DHRS7B: variants seen among roughly 807,000 people sequenced by gnomAD.
DHRS7B encodes the protein dehydrogenase/reductase 7B.
In DHRS7B, 24 loss-of-function variants were observed where a neutral mutation model predicts 26.4. The ratio of observed to expected loss-of-function variants is 0.91; its 90% CI spans 0.66 to 1.28. The LOEUF (loss-of-function observed/expected upper bound fraction) is 1.28, where lower values mean the gene tolerates loss of function less well. Among genes scored for constraint, DHRS7B ranks in the 50% most tolerant of loss-of-function variants. The probability of loss-of-function intolerance (pLI) is 0.00; values close to 1 mark genes in which losing one functional copy is unlikely to be tolerated. For synonymous variants in DHRS7B, 142 were observed against 166.4 expected, an observed-to-expected ratio of 0.85 and a Z score of 1.13; for missense variants, 368 against 419.4, an observed-to-expected ratio of 0.88 and a Z score of 1.07.
chr17:21,138,093 T>TACACAC (rs1199383924), intron 1 of DHRS7B, among the ~76,000 whole-genome samples: 2,223 of 77,784 alleles, frequency 0.029, 40 homozygotes, highest in East Asian at 0.068. Context: ...TATATATATA[T>TACACAC]ATATATATAC....
chr17:21,188,971 C>T (rs543473052), intron 6 of DHRS7B, 108 bp downstream of exon 6: 5 of 1,476,208 alleles, frequency 3.4e-6, no homozygotes, highest in African/African-American at 1.4e-5. Flanking sequence ...TGGAAGAGAA[C>T]TTTTAAAGTG....
chr17:21,184,572 A>T, intron 5 of DHRS7B, 109 bp downstream of exon 5: 1 of 1,099,034 alleles, frequency 9.1e-7, no homozygotes, highest in South Asian at 1.5e-5. Flanking sequence ...TAAACTATCC[A>T]GAATGCAAAG....
At chr17:21,181,277 G>T (rs1445818237) in intron 3 of DHRS7B, among the ~76,000 whole-genome samples, 4 of 152,032 alleles carry the variant, frequency 2.6e-5, no homozygotes, top group African/African-American at 9.7e-5. Context: ...GTAGGGACAG[G>T]GTCCTGCTAT....
chr17:21,191,227 T>C lies in DHRS7B; in HGVS notation c.*74T>C. 6.9e-7 allele frequency: 1 copy of C among 1,459,758 alleles called. No individual in the cohort carries two copies. Among genetic ancestry groups the C allele is most frequent in the Non-Finnish European group, 9.5e-7 (1 of 1,052,420 alleles). The allele number at this position is 1,459,758 out of a possible 1,614,324, so 90.4% of individuals were successfully genotyped here. On this transcript the variant is annotated 3_prime_UTR_variant, in exon 7 of 7. Coordinates refer to ENST00000395511, the MANE Select transcript of DHRS7B (RefSeq NM_015510.5). The stretch of plus-strand genomic sequence containing the variant: ...GCTTACTCTACAAGGGACAGTTGCA[T>C]TTGTTGAGACTTTAATGGAGATTTG...
intron 1 of DHRS7B, among the ~76,000 whole-genome samples, chr17:21,159,544 C>T (rs541777232): frequency 1.1e-4 from 16 of 151,960 alleles, no homozygotes; most frequent in East Asian, 9.7e-4. Context: ...CGTGAGCCAC[C>T]GCACCCGGCC....
In DHRS7B at chr17:21,185,979, C is replaced by T. The variant is rs765817893; in HGVS notation, c.619+1516C>T. Among the ~76,000 whole-genome samples, 40 of 152,304 alleles carry T rather than the reference C, an allele frequency of 2.6e-4. No homozygotes were observed. In the Middle Eastern group the frequency reaches 0.01, roughly 39 times the overall value. On this transcript the variant is annotated intron_variant, in intron 5 of 6. Coordinates refer to ENST00000395511, the MANE Select transcript of DHRS7B (RefSeq NM_015510.5). ...TTGAGATTACAGGCATGAGCCACCG[C>T]GCCCAGCTGGAGTTCTTTATACTAA...
chr17:21,128,053 A>T (rs1486210344), intron 1 of DHRS7B: 1 of 152,206 alleles, frequency 6.6e-6, no homozygotes, highest in African/African-American at 2.4e-5. Context: ...AACCCTAATC[A>T]TAGGAACTAT....
intron 1 of DHRS7B, among the ~76,000 whole-genome samples, chr17:21,134,682 A>G (rs1055792015): frequency 2.0e-5 from 3 of 152,232 alleles, no homozygotes; most frequent in Non-Finnish European, 2.9e-5. Flanking sequence ...ACTGATGCAA[A>G]TAACTGTATT....
intron 3 of DHRS7B, among the ~76,000 whole-genome samples, 186 bp from the exon 4 acceptor site, chr17:21,183,408 C>A (rs771103238): frequency 8.5e-5 from 13 of 152,050 alleles, no homozygotes; most frequent in Non-Finnish European, 1.9e-4. Flanking sequence ...GTTTGTTTAT[C>A]TCTGTTCTAA....
chr17:21,172,169 A>G lies in DHRS7B; in HGVS notation c.172A>G (p.Thr58Ala). Reference sequence around the variant, plus strand: ...CCTGCGGAATGCTGTGGTGGTGATCACAGGCGCCACCTCAGGGCTGGGCAA... The same window carrying G: ...CCTGCGGAATGCTGTGGTGGTGATCGCAGGCGCCACCTCAGGGCTGGGCAA... ...AYLRNAVVVI[T>A]GATSGLGKEC... Residue 58 changes from threonine to alanine, a missense_variant, in exon 2 of 7, where the codon ACA becomes GCA. By Grantham distance (58) the Thr-to-Ala change is moderately conservative (BLOSUM62 0). Coordinates refer to ENST00000395511, the MANE Select transcript of DHRS7B (RefSeq NM_015510.5). 1 of 1,613,476 alleles carries G rather than the reference A, an allele frequency of 6.2e-7. No homozygotes were observed. Among genetic ancestry groups the G allele is most frequent in the Non-Finnish European group, 8.5e-7 (1 of 1,179,722 alleles).
intron 1 of DHRS7B, among the ~76,000 whole-genome samples, chr17:21,167,091 G>T (rs573102017): frequency 2.9e-3 from 434 of 152,242 alleles, no homozygotes; most frequent in African/African-American, 9.8e-3. Flanking sequence ...TTTGGCCAAA[G>T]TAGAAGGAAT....
At chr17:21,143,445 G>T (rs1360537861) in intron 1 of DHRS7B, among the ~76,000 whole-genome samples, 1 of 152,214 alleles carries the variant, frequency 6.6e-6, no homozygotes, top group Admixed American at 6.5e-5. Context: ...ATAGCCACAG[G>T]ATGGGCAAAA....
chr17:21,162,543 G>T (rs1019515748), intron 1 of DHRS7B, among the ~76,000 whole-genome samples: 2 of 152,176 alleles, frequency 1.3e-5, no homozygotes, highest in African/African-American at 2.4e-5. Flanking sequence ...AGAATAAAAG[G>T]CCAGACCCTC....
At chr17:21,169,042 G>C in intron 1 of DHRS7B, 1 of 462,620 alleles carries the variant, frequency 2.2e-6, no homozygotes, top group Non-Finnish European at 2.8e-6. Context: ...CTCCTCCCTG[G>C]GTGTGAAGAC....
chr17:21,181,272 G>A (rs746366389), intron 3 of DHRS7B, among the ~76,000 whole-genome samples: 6 of 152,074 alleles, frequency 3.9e-5, no homozygotes, highest in Non-Finnish European at 7.4e-5. Flanking sequence ...TTTTTGTAGG[G>A]ACAGGGTCCT....
chr17:21,187,228 G>A (rs542660941), intron 5 of DHRS7B, among the ~76,000 whole-genome samples: 1 of 151,888 alleles, frequency 6.6e-6, no homozygotes, highest in African/African-American at 2.4e-5. Context: ...GGGTGAAGTG[G>A]GAGGATTGCT....
intron 1 of DHRS7B, chr17:21,168,878 G>A: frequency 2.0e-6 from 2 of 985,482 alleles, no homozygotes; most frequent in Non-Finnish European, 2.4e-6. Context: ...AGGAATCCCA[G>A]AAGTGTACAA....
In DHRS7B at chr17:21,178,331, C is replaced by CA. The variant is rs1472163488; in HGVS notation, c.299dup (p.His100GlnfsTer29). ...GCTCATCAGAGAACTCACCGCTTCT[C>CA]ATGCCACCAAGGTGAGCCAGGGGCG... is the stretch of plus-strand genomic sequence containing the variant. On this transcript the variant is annotated frameshift_variant, in exon 3 of 7. Transcript: ENST00000395511. LOFTEE classifies it high-confidence loss of function. 1.6e-5 allele frequency: 26 copies of CA among 1,613,844 alleles called. No individual in the cohort carries two copies. The highest frequency in any genetic ancestry group is 2.2e-5 in the Non-Finnish European group (26 of 1,179,984).
chr17:21,190,963 C>T lies in DHRS7B; in HGVS notation c.788C>T (p.Thr263Ile). ...TTTATTTTAGTTATGGACACCACCA[C>T]AGCCCAGGGCCGAAGCCCTGTGGAG... ...GSRYGVMDTT[T>I]AQGRSPVEVA... Residue 263 changes from threonine to isoleucine, a missense_variant, in exon 7 of 7, where the codon ACA becomes ATA. Physicochemically the swap from Thr to Ile is moderately conservative, Grantham distance 89. Transcript: ENST00000395511. 3 of 1,614,240 alleles carry T rather than the reference C, an allele frequency of 1.9e-6. No individual in the cohort carries two copies. Among genetic ancestry groups the T allele is most frequent in the Non-Finnish European group, 1.7e-6 (2 of 1,180,038 alleles).
Sources: allele counts gnomAD v4.1 joint callset (sites outside exome capture counted in the v4.1 genomes callset), GRCh38; gene constraint gnomAD v4.1.1; transcripts MANE v1.5; gene names NCBI Gene and HGNC (gene_info 2026-07-23, HGNC 2026-07-21).